DEK: variants seen among roughly 807,000 people sequenced by gnomAD.
The protein encoded by DEK is protein DEK.
DEK carries 28 observed loss-of-function variants against 46.8 expected under a neutral mutation model. The ratio of observed to expected loss-of-function variants is 0.60; its 90% CI spans 0.44 to 0.82. The LOEUF (loss-of-function observed/expected upper bound fraction) is 0.82. Ranked by LOEUF, DEK falls within the 40% of genes least tolerant of loss-of-function variation. The pLI is 0.00. For synonymous variants in DEK, 160 were observed against 144.5 expected (o/e 1.11, Z -0.77); for missense variants, 416 against 430.6 (o/e 0.97, Z 0.30).
intron 4 of DEK, among the ~76,000 whole-genome samples, chr6:18,257,188 A>T (rs1791633861): frequency 6.6e-6 from 1 of 152,166 alleles, no homozygotes; most frequent in African/African-American, 2.4e-5. Flanking sequence ...TTCACTTTGT[A>T]TGAGATTTGT....
In DEK at chr6:18,263,961, C is replaced by G. The variant is rs1254411997; in HGVS notation, c.27G>C (p.Glu9Asp). 6.2e-7 allele frequency: 1 copy of G among 1,612,682 alleles called. No homozygotes were observed. Among genetic ancestry groups the G allele is most frequent in the South Asian group, 1.1e-5 (1 of 90,940 alleles). The change falls in exon 2 of 11, where the codon GAG becomes GAC. Residue 9 changes from glutamate to aspartate, a missense_variant. Glu to Asp is a conservative substitution (Grantham distance 45, BLOSUM62 2). Coordinates refer to ENST00000652689, the MANE Select transcript of DEK (RefSeq NM_003472.4). ...CGGGCTGGGTGGGGGTTCCCTCCCC[C>G]TCCGCAGCAGGGGCCGAGGCGGACA... MSASAPAA[E>D]GEGTPTQPAS...
intron 9 of DEK, among the ~76,000 whole-genome samples, chr6:18,232,273 A>G (rs1338135183): frequency 1.3e-5 from 2 of 152,130 alleles, no homozygotes; most frequent in African/African-American, 2.4e-5. Flanking sequence ...ATGGGCAAAA[A>G]CTGGAATCAT....
chr6:18,252,185 G>C (rs1429327288), intron 6 of DEK, among the ~76,000 whole-genome samples: 1 of 152,128 alleles, frequency 6.6e-6, no homozygotes, highest in African/African-American at 2.4e-5. Context: ...AATTGTTAAA[G>C]AGGAGAAAAA....
chr6:18,260,067 T>C (rs1791786627), intron 2 of DEK, among the ~76,000 whole-genome samples: 1 of 152,226 alleles, frequency 6.6e-6, no homozygotes, highest in Non-Finnish European at 1.5e-5. Flanking sequence ...CCTCAGTATC[T>C]GTGAGGGATT....
chr6:18,256,323 A>C, intron 5 of DEK, 38 bp downstream of exon 5: 1 of 1,525,334 alleles, frequency 6.6e-7, no homozygotes, highest in Admixed American at 1.8e-5. Flanking sequence ...AACTTAAAGC[A>C]TATTGATCAA....
intron 6 of DEK, among the ~76,000 whole-genome samples, chr6:18,250,892 CAAT>C (rs1470570847): frequency 2.0e-5 from 3 of 152,160 alleles, no homozygotes; most frequent in Non-Finnish European, 4.4e-5. Context: ...CTACTTTCAA[CAAT>C]GTCAGGCTCA....
chr6:18,224,881 A>G lies in DEK; in HGVS notation c.*838T>C, dbSNP rs1208529540. 4.7e-6 allele frequency: 1 copy of G among 211,810 alleles called. No homozygotes were observed. The highest frequency in any genetic ancestry group is 9.6e-6 in the Non-Finnish European group (1 of 104,228). The allele number at this position is 211,810 out of a possible 1,614,324, so 13.1% of individuals were successfully genotyped here. ...TTTTTGGTCTGTCCTTATATAATAT[A>G]AAACGTACCTACAGACACTTTTACA... On this transcript the variant is annotated 3_prime_UTR_variant, in exon 11 of 11. Coordinates refer to ENST00000652689, the MANE Select transcript of DEK (RefSeq NM_003472.4).
At chr6:18,232,791 T>C (rs185323903) in intron 9 of DEK, among the ~76,000 whole-genome samples, 5 of 151,846 alleles carry the variant, frequency 3.3e-5, no homozygotes, top group Non-Finnish European at 5.9e-5. Context: ...AGATAATTTA[T>C]AGATTCAATG....
intron 7 of DEK, among the ~76,000 whole-genome samples, chr6:18,241,520 C>T (rs1790892823): frequency 6.6e-6 from 1 of 152,136 alleles, no homozygotes; most frequent in Non-Finnish European, 1.5e-5. Flanking sequence ...TTCATTATCC[C>T]TACTTTATGG....
At chr6:18,239,017 C>T (rs922834875) in intron 7 of DEK, among the ~76,000 whole-genome samples, 10 of 152,198 alleles carry the variant, frequency 6.6e-5, no homozygotes, top group Admixed American at 2.0e-4. Flanking sequence ...CTCTGCCTCC[C>T]GGGTTCAAGT....
chr6:18,260,135 T>A (rs1036346831), intron 2 of DEK, among the ~76,000 whole-genome samples: 1 of 152,090 alleles, frequency 6.6e-6, no homozygotes, highest in Non-Finnish European at 1.5e-5. Context: ...CCTTATTTTT[T>A]AAAAAAATGG....
chr6:18,239,650 A>G (rs1190696901), intron 7 of DEK, among the ~76,000 whole-genome samples: 2 of 152,238 alleles, frequency 1.3e-5, no homozygotes, highest in Admixed American at 1.3e-4. Flanking sequence ...AAAAGTAAGT[A>G]CATGAATTTC....
chr6:18,228,977 T>A (rs952326485), intron 9 of DEK, among the ~76,000 whole-genome samples: 1 of 152,156 alleles, frequency 6.6e-6, no homozygotes, highest in African/African-American at 2.4e-5. Flanking sequence ...GTCCCCTGAG[T>A]GGCCTAACTG....
intron 7 of DEK, among the ~76,000 whole-genome samples, chr6:18,247,677 CG>C (rs1473134928): frequency 6.6e-5 from 10 of 151,588 alleles, no homozygotes; most frequent in African/African-American, 9.7e-5. Flanking sequence ...AAAATGCTCT[CG>C]TTTTTTTTTT....
intron 1 of DEK, 127 bp from the exon 2 acceptor site, chr6:18,264,123 CG>C (rs2151098002): frequency 1.2e-6 from 1 of 835,922 alleles, no homozygotes; most frequent in Non-Finnish European, 1.7e-6. Context: ...CTCCCATAGC[CG>C]GGACCGCAGC....
chr6:18,245,684 A>G lies in DEK; in HGVS notation c.762+3967T>C, dbSNP rs532439735. Among the ~76,000 whole-genome samples, 7 of 152,334 alleles carry G rather than the reference A, an allele frequency of 4.6e-5. No individual in the cohort carries two copies. In the South Asian group the frequency reaches 1.2e-3, roughly 27 times the overall value. On this transcript the variant is annotated intron_variant, in intron 7 of 10. Transcript: ENST00000652689. ...CCCCCTTTTTTCTGTACTCTGCAGT[A>G]ATTTCTCTATGCCTCAAGGTTAACA...
chr6:18,251,066 T>A (rs1791356595), intron 6 of DEK, among the ~76,000 whole-genome samples: 2 of 152,230 alleles, frequency 1.3e-5, no homozygotes, highest in Admixed American at 1.3e-4. Flanking sequence ...ATAAATTTAA[T>A]TTTTAAGTGC....
intron 2 of DEK, among the ~76,000 whole-genome samples, chr6:18,263,559 C>T (rs952478139): frequency 1.3e-5 from 2 of 152,154 alleles, no homozygotes; most frequent in Non-Finnish European, 2.9e-5. Context: ...AACTTCCCGT[C>T]AAATGATGAA....
intron 7 of DEK, 120 bp from the exon 8 acceptor site, chr6:18,237,636 G>T: frequency 7.6e-7 from 1 of 1,312,128 alleles, no homozygotes; most frequent in South Asian, 1.7e-5. Context: ...TTTGGTATCA[G>T]CAATTAAAAA....
Sources: gnomAD v4.1 joint callset for allele counts (sites outside exome capture counted in the v4.1 genomes callset) on GRCh38, gnomAD v4.1.1 for gene constraint, MANE v1.5 for transcripts, NCBI Gene and HGNC (gene_info 2026-07-23, HGNC 2026-07-21) for gene names.